The following ARSG variants were observed in gnomAD, a reference collection of about 807,000 sequenced individuals.
ARSG encodes the protein arylsulfatase G, also known as ASG.
A neutral mutation model predicts 50.5 loss-of-function variants in ARSG; 37 were observed. That is an observed-to-expected ratio of 0.73 (90% CI 0.56 to 0.96). The LOEUF is 0.96. Ranked by LOEUF, ARSG falls within the 50% of genes least tolerant of loss-of-function variation. The pLI is 0.00. For synonymous variants in ARSG, 225 were observed against 254.6 expected (o/e 0.88, Z 1.11); for missense variants, 629 against 675.3 (o/e 0.93, Z 0.76).
the ARSG span, among the ~76,000 whole-genome samples, chr17:68,436,854 C>A: frequency 6.6e-6 from 1 of 152,004 alleles, no homozygotes; most frequent in Non-Finnish European, 1.5e-5. Flanking sequence ...AATAGCTGGG[C>A]ATGGTGGTGC....
chr17:68,395,446 A>G (rs2081200266), intron 10 of ARSG, among the ~76,000 whole-genome samples: 2 of 152,182 alleles, frequency 1.3e-5, no homozygotes, highest in African/African-American at 4.8e-5. Flanking sequence ...AAATTAGCTG[A>G]GCATGGTGGC....
chr17:68,349,531 G>A (rs1042672899), intron 4 of ARSG, among the ~76,000 whole-genome samples: 1 of 152,088 alleles, frequency 6.6e-6, no homozygotes, highest in Non-Finnish European at 1.5e-5. Context: ...GTGTACCTAG[G>A]GGGTAGCTAA....
Position 68,420,225 on chromosome 17 carries a change from A to G in ARSG, c.1340A>G (p.Glu447Gly), listed in dbSNP as rs2082685672. 1.9e-6 allele frequency: 3 copies of G among 1,614,008 alleles called. No individual in the cohort carries two copies. The highest frequency in any genetic ancestry group is 2.5e-6 in the Non-Finnish European group (3 of 1,180,036). ...ARACDGSTGP[E>G]LQHKFPLIFN... ...GCGTGTGATGGGAGCACGGGGCCTG[A>G]GCTGCAGCATAAGTTTCCTCTGATT... is the stretch of plus-strand genomic sequence containing the variant. The change falls in exon 12 of 12, where the codon GAG (glutamate) becomes GGG (glycine). Residue 447 changes from glutamate (E) to glycine (G), a missense_variant. Coordinates refer to ENST00000621439, the MANE Select transcript of ARSG (RefSeq NM_001267727.2).
intron 8 of ARSG, among the ~76,000 whole-genome samples, chr17:68,382,735 T>C (rs958479663): frequency 1.3e-5 from 2 of 152,256 alleles, no homozygotes; most frequent in Admixed American, 1.3e-4. Flanking sequence ...GTATCTGCGC[T>C]GTTGGTGACA....
intron 9 of ARSG, among the ~76,000 whole-genome samples, chr17:68,387,840 A>C (rs1361268664): frequency 3.3e-5 from 5 of 152,168 alleles, no homozygotes; most frequent in Non-Finnish European, 5.9e-5. Context: ...TGAGCATCAG[A>C]GAGTGGTCAA....
the ARSG span, among the ~76,000 whole-genome samples, chr17:68,430,671 T>TGG: frequency 1.5e-3 from 224 of 152,310 alleles, 1 homozygote; most frequent in African/African-American, 5.2e-3. Flanking sequence ...ACCCAGCATG[T>TGG]GTAATGATGG....
intron 11 of ARSG, among the ~76,000 whole-genome samples, chr17:68,407,113 T>A (rs1197063324): frequency 6.6e-6 from 1 of 152,226 alleles, no homozygotes; most frequent in Non-Finnish European, 1.5e-5. Context: ...CCAGCACCGT[T>A]TGTTGAAAAG....
intron 7 of ARSG, among the ~76,000 whole-genome samples, chr17:68,369,471 C>T (rs529008349): frequency 8.6e-5 from 13 of 151,798 alleles, no homozygotes; most frequent in African/African-American, 3.1e-4. Flanking sequence ...ACCTGGGAGG[C>T]GGAGGTTGCA....
downstream of ARSG, chr17:68,424,646 C>A: frequency 2.6e-6 from 1 of 388,168 alleles, no homozygotes; most frequent in Non-Finnish European, 5.2e-6. Context: ...GAGGCCGAGA[C>A]GAGTGGATCA....
chr17:68,366,848 T>G (rs541339066), intron 6 of ARSG, among the ~76,000 whole-genome samples: 2 of 152,332 alleles, frequency 1.3e-5, no homozygotes, highest in South Asian at 4.1e-4. Flanking sequence ...CAGAACTGTT[T>G]CATTTTTTCT....
the ARSG span, among the ~76,000 whole-genome samples, chr17:68,432,853 C>T: frequency 6.6e-6 from 1 of 152,226 alleles, no homozygotes; most frequent in African/African-American, 2.4e-5. Flanking sequence ...TTTCTCACTC[C>T]TCCATCTTTC....
chr17:68,446,866 G>A, the ARSG span, among the ~76,000 whole-genome samples: 2 of 152,124 alleles, frequency 1.3e-5, no homozygotes, highest in Non-Finnish European at 2.9e-5. Context: ...TGAATTTCAG[G>A]TCACCCTCAT....
intron 1 of ARSG, among the ~76,000 whole-genome samples, chr17:68,275,336 A>G (rs1321451886): frequency 2.6e-5 from 4 of 152,182 alleles, no homozygotes; most frequent in Non-Finnish European, 5.9e-5. Flanking sequence ...GGAAGTGGGA[A>G]AAAAAGGATT....
chr17:68,347,076 G>A (rs370879110), intron 3 of ARSG, 49 bp from the exon 4 acceptor site: 2 of 1,599,884 alleles, frequency 1.3e-6, no homozygotes, highest in African/African-American at 2.7e-5. Context: ...GGGGGCTGTG[G>A]TACCCCTATG....
At chr17:68,379,738 GGA>G (rs1407460924) in intron 8 of ARSG, 1 of 798,878 alleles carries the variant, frequency 1.3e-6, no homozygotes, top group African/African-American at 1.9e-5. Flanking sequence ...TCAATATGCT[GGA>G]GAGAGGACCC....
At chr17:68,298,935 G>A (rs1364766596) in intron 1 of ARSG, among the ~76,000 whole-genome samples, 1 of 151,906 alleles carries the variant, frequency 6.6e-6, no homozygotes, top group Non-Finnish European at 1.5e-5. Flanking sequence ...AAATTTTGGG[G>A]GCACACAAAC....
chr17:68,306,244 C>T (rs759871171), intron 1 of ARSG, among the ~76,000 whole-genome samples: 39 of 151,980 alleles, frequency 2.6e-4, no homozygotes, highest in Non-Finnish European at 5.3e-4. Context: ...TCAGGTGATC[C>T]GCCCGCCTTG....
At chr17:68,313,441 C>T (rs762464442) in intron 2 of ARSG, among the ~76,000 whole-genome samples, 15 of 152,066 alleles carry the variant, frequency 9.9e-5, no homozygotes, top group Non-Finnish European at 1.8e-4. Context: ...CTCCTATCTC[C>T]GCCTCAGTTG....
intron 5 of ARSG, among the ~76,000 whole-genome samples, chr17:68,355,672 C>T (rs2078999605): frequency 6.6e-6 from 1 of 152,114 alleles, no homozygotes; most frequent in Non-Finnish European, 1.5e-5. Flanking sequence ...GAACTTCTGA[C>T]CTCAGGTGAT....
Sources: allele counts gnomAD v4.1 joint callset (sites outside exome capture counted in the v4.1 genomes callset), GRCh38; gene constraint gnomAD v4.1.1; transcripts MANE v1.5; gene names NCBI Gene and HGNC (gene_info 2026-07-23, HGNC 2026-07-21).